The following FAM120C variants were observed in gnomAD, a reference collection of about 807,000 sequenced individuals.
FAM120C encodes family with sequence similarity 120 member C.
A neutral mutation model predicts 71.2 loss-of-function variants in FAM120C; 14 were observed. That is an observed-to-expected ratio of 0.20 (90% CI 0.13 to 0.31). The LOEUF (loss-of-function observed/expected upper bound fraction) is 0.31, where lower values mean the gene tolerates loss of function less well. Among genes scored for constraint, FAM120C ranks in the 10% least tolerant of loss-of-function variants. The pLI is 1.00. For missense variants in FAM120C, 500 were observed against 879.0 expected (o/e 0.57, Z 5.45); for synonymous variants, 354 against 353.2 (o/e 1.00, Z -0.03).
intron 15 of FAM120C, 115 bp from the exon 16 acceptor site, chrX:54,073,402 A>C: frequency 2.7e-6 from 2 of 745,723 alleles, no homozygotes; most frequent in South Asian, 3.4e-5. Context: ...AAACACCAGA[A>C]GACCTCAAGC....
rs144223949 is a variant in FAM120C at position 54,073,249 on chromosome X, A to G, written c.3075T>C (p.His1025=). The G allele has an allele frequency of 2.8e-4, 333 of 1,205,732 alleles. 2 individuals carry two copies. The African/African-American group carries it at 4.7e-3, about 17-fold the overall frequency. The change falls in exon 16 of 16, where the codon CAT becomes CAC. Residue 1025 remains histidine, a synonymous_variant. Coordinates refer to ENST00000375180, the MANE Select transcript of FAM120C (RefSeq NM_017848.6). ...SDGVSKSLEL[H]QGRSRSQVNG... ...TTACCTGGGAGCGAGACCGACCTTG[A>G]TGAAGCTCCAGGGATTTAGAAACTC... is the stretch of plus-strand genomic sequence containing the variant.
At chrX:54,161,285 T>C (rs1557134396) in intron 1 of FAM120C, among the ~76,000 whole-genome samples, 1 of 111,637 alleles carries the variant, frequency 9.0e-6, no homozygotes, top group African/African-American at 3.3e-5. Flanking sequence ...AACCTCACCA[T>C]GCAGGTATTA....
At chrX:54,143,414 G>A (rs1449106178) in intron 4 of FAM120C, among the ~76,000 whole-genome samples, 42 of 80,849 alleles carry the variant, frequency 5.2e-4, no homozygotes, top group Admixed American at 1.4e-3. Context: ...TTGATAGACC[G>A]CTAGCAAGAC....
intron 15 of FAM120C, 85 bp from the exon 16 acceptor site, chrX:54,073,372 A>G: frequency 5.1e-6 from 5 of 986,544 alleles, no homozygotes; most frequent in Non-Finnish European, 6.7e-6. Flanking sequence ...TAGCCTGAGG[A>G]AGCGGCTTCA....
Position 54,183,064 on chromosome X carries a change from C to T in FAM120C, c.135G>A (p.Pro45=). Residue 45 remains proline, a synonymous_variant, in exon 1 of 16, where the codon CCG becomes CCA. Transcript: ENST00000375180. The stretch of plus-strand genomic sequence containing the variant: ...GAGCCCCGGGCGCTAGGGCTGCAGT[C>T]GGCGGCAGCTGGCGGTGCAAGTGCT... The part of the protein sequence containing the change: ...QQQHLHRQLP[P]TAALAPGAPR... 8.6e-7 allele frequency: 1 copy of T among 1,157,317 alleles called. No homozygotes were observed. Among genetic ancestry groups the T allele is most frequent in the Non-Finnish European group, 1.1e-6 (1 of 871,712 alleles).
intron 1 of FAM120C, among the ~76,000 whole-genome samples, chrX:54,168,288 C>T (rs1284879148): frequency 1.8e-5 from 2 of 111,349 alleles, no homozygotes; most frequent in Admixed American, 9.6e-5. Flanking sequence ...AGGTGTGCAC[C>T]GCCATGCCTG....
At chrX:54,145,281 A>G (rs1197768611) in intron 4 of FAM120C, among the ~76,000 whole-genome samples, 1 of 112,242 alleles carries the variant, frequency 8.9e-6, no homozygotes, top group Non-Finnish European at 1.9e-5. Context: ...CTAAAACACC[A>G]AAAGCAATGG....
chrX:54,129,989 C>G (rs927272249), intron 9 of FAM120C, among the ~76,000 whole-genome samples: 1 of 104,844 alleles, frequency 9.5e-6, no homozygotes, highest in Non-Finnish European at 2.0e-5. Context: ...AGCTTCGGCT[C>G]GGCATCAGAG....
intron 1 of FAM120C, among the ~76,000 whole-genome samples, chrX:54,180,729 T>C (rs2067343955): frequency 1.8e-5 from 2 of 111,911 alleles, no homozygotes; most frequent in Admixed American, 1.9e-4. Flanking sequence ...TGGGCAAGTT[T>C]CTAAGCCCGT....
chrX:54,128,302 G>GC (rs782258411), intron 9 of FAM120C, among the ~76,000 whole-genome samples: 110 of 111,789 alleles, frequency 9.8e-4, no homozygotes, highest in Non-Finnish European at 1.8e-3. Context: ...CATGTGATCT[G>GC]CCCGCCTCAG....
At chrX:54,140,719 C>T (rs782122674) in intron 4 of FAM120C, among the ~76,000 whole-genome samples, 36 of 109,275 alleles carry the variant, frequency 3.3e-4, no homozygotes, top group African/African-American at 1.1e-3. Context: ...TTTGGGAGGC[C>T]GAGGCAGGCG....
chrX:54,087,781 A>G lies in FAM120C; in HGVS notation c.2611T>C (p.Ser871Pro), dbSNP rs782589982. 7.4e-6 allele frequency: 9 copies of G among 1,210,931 alleles called. No individual in the cohort carries two copies. In the South Asian group the frequency reaches 1.6e-4, roughly 21 times the overall value. Reference protein sequence around the residue: ...KLIKAGRERVSLVELCDGQAD... With the variant: ...KLIKAGRERVPLVELCDGQAD... ...TGGCCATCACAGAGCTCAACCAGAG[A>G]TACTCGCTCTCGGCCTGCTTTAATT... Residue 871 changes from serine (S) to proline (P), a missense_variant, in exon 12 of 16, where the codon TCT (serine) becomes CCT (proline). Physicochemically the swap from Ser to Pro is moderately conservative, Grantham distance 74. Around this residue, in one of 11 missense-constraint regions of FAM120C, gnomAD observed 104 missense variants for 254.5 expected, o/e 0.41. Transcript: ENST00000375180.
chrX:54,164,504 T>C (rs2067250638), intron 1 of FAM120C, among the ~76,000 whole-genome samples: 1 of 112,331 alleles, frequency 8.9e-6, no homozygotes, highest in Non-Finnish European at 1.9e-5. Context: ...AGCGGAATCA[T>C]ATGGAATTTG....
chrX:54,159,002 T>C (rs1254772770), intron 2 of FAM120C, among the ~76,000 whole-genome samples: 6 of 111,969 alleles, frequency 5.4e-5, no homozygotes, highest in Non-Finnish European at 1.1e-4. Context: ...CCGATCTAAA[T>C]TGAGACACTG....
chrX:54,098,840 C>T (rs192366830), intron 10 of FAM120C, among the ~76,000 whole-genome samples: 1,597 of 110,253 alleles, frequency 0.014, 21 homozygotes, highest in Non-Finnish European at 0.021. Flanking sequence ...AGGCTGGTCT[C>T]GAACTCCTGA....
At chrX:54,097,972 C>T (rs782414529) in intron 10 of FAM120C, among the ~76,000 whole-genome samples, 3 of 110,108 alleles carry the variant, frequency 2.7e-5, no homozygotes, top group South Asian at 7.7e-4. Flanking sequence ...GTGATCCGCC[C>T]GCCTTGGCCT....
At position 54,132,720 on chromosome X, in the gene FAM120C, C is replaced by T. The variant is rs2067074148; in HGVS notation, c.2034G>A (p.Leu678=). 1 of 1,204,843 alleles carries T rather than the reference C, an allele frequency of 8.3e-7. No individual in the cohort carries two copies. Among genetic ancestry groups the T allele is most frequent in the Non-Finnish European group, 1.1e-6 (1 of 893,259 alleles). ...LAETQRKMER[L]AMRRRLPVEV... Reference sequence around the variant, plus strand: ...CCACAGGCAGCCGCCGTCGCATGGCCAAGCGTTCCATTTTCCTCTGTGTCT... The same window carrying T: ...CCACAGGCAGCCGCCGTCGCATGGCTAAGCGTTCCATTTTCCTCTGTGTCT... The change falls in exon 9 of 16, where the codon TTG becomes TTA. Residue 678 remains leucine, a synonymous_variant. Transcript: ENST00000375180.
rs782159445 is a variant in FAM120C, at chrX:54,073,241, C to T, written c.3083G>A (p.Arg1028Gln). 1 of 1,208,152 alleles carries T rather than the reference C, an allele frequency of 8.3e-7. No individual in the cohort carries two copies. Among genetic ancestry groups the T allele is most frequent in the South Asian group, 1.8e-5 (1 of 56,742 alleles). The change falls in exon 16 of 16, where the codon CGG becomes CAG. Residue 1028 changes from arginine (R) to glutamine (Q), a missense_variant. This residue lies in a region of FAM120C where 85 missense variants were observed against 96.1 expected (regional missense o/e 0.88). Transcript: ENST00000375180. ...VSKSLELHQG[R>Q]SRSQVNGNSG... ...GTTTCCATTTACCTGGGAGCGAGAC[C>T]GACCTTGATGAAGCTCCAGGGATTT... is the stretch of plus-strand genomic sequence containing the variant.
chrX:54,116,814 G>GA lies in FAM120C; in HGVS notation c.2063-21dup. On this transcript the variant is annotated intron_variant, in intron 9 of 15. Coordinates refer to ENST00000375180, the MANE Select transcript of FAM120C (RefSeq NM_017848.6). ...AAGGAACTGGAAAACAGAAATTGAGGAAAAAGAGGCTCTAGAGAATCTCTC... is the reference window on the plus strand; with the variant it reads ...AAGGAACTGGAAAACAGAAATTGAGGAAAAAAGAGGCTCTAGAGAATCTCTC... The GA allele has an allele frequency of 1.7e-6, 2 of 1,201,934 alleles. No individual in the cohort carries two copies.
Sources: gnomAD v4.1 joint callset for allele counts (sites outside exome capture counted in the v4.1 genomes callset) on GRCh38, gnomAD v4.1.1 for gene constraint, gnomAD v4.1.1 regional missense constraint, MANE v1.5 for transcripts, NCBI Gene and HGNC (gene_info 2026-07-23, HGNC 2026-07-21) for gene names.